Variants in ADHFE1 observed in about 807,000 individuals in gnomAD.
The protein encoded by ADHFE1 is hydroxyacid-oxoacid transhydrogenase, mitochondrial.
In ADHFE1, 37 loss-of-function variants were observed where a neutral mutation model predicts 54.8. The observed-to-expected ratio is 0.68, with a 90% CI of 0.52 to 0.89. The LOEUF (loss-of-function observed/expected upper bound fraction) is 0.89, where lower values mean the gene tolerates loss of function less well. ADHFE1 is among the 40% of genes least tolerant of loss of function. ADHFE1 has a pLI of 0.00. For missense variants in ADHFE1, 601 were observed against 591.2 expected (o/e 1.02, Z -0.17); for synonymous variants, 203 against 229.3 (o/e 0.89, Z 1.04).
At chr8:66,464,869 G>A (rs377045770) in intron 13 of ADHFE1, among the ~76,000 whole-genome samples, 17 of 151,852 alleles carry the variant, frequency 1.1e-4, no homozygotes, top group Admixed American at 4.6e-4. Context: ...CGAATTCCCC[G>A]TTCTCCCCTT....
At position 66,457,203 on chromosome 8, in the gene ADHFE1, G is replaced by C. The variant is rs761535877; in HGVS notation, c.1162+37G>C. 3.2e-6 allele frequency: 5 copies of C among 1,585,154 alleles called. No homozygotes were observed. In the South Asian group the frequency reaches 5.6e-5, roughly 18 times the overall value. ...TACTCAAAATTCTGTGACCGGCCAG[G>C]CACGGTGGCTCCCATCTGTAATCCC... is the stretch of plus-strand genomic sequence containing the variant. On this transcript the variant is annotated intron_variant, in intron 12 of 13. Transcript: ENST00000396623.
At chr8:66,440,771 G>A (rs1001172769) in intron 2 of ADHFE1, among the ~76,000 whole-genome samples, 3 of 152,222 alleles carry the variant, frequency 2.0e-5, no homozygotes, top group African/African-American at 7.2e-5. Flanking sequence ...CATAGTTTCA[G>A]CATGTCCTAA....
chr8:66,439,319 C>A lies in ADHFE1; in HGVS notation c.60-843C>A. On this transcript the variant is annotated intron_variant, in intron 1 of 13. Transcript: ENST00000396623. This position sits in a 1 kb window ranked among gnomAD's most constrained non-coding sequence, Gnocchi z 4.4. ...CCACTGGACAAGGTCTTCTGGGCAA[C>A]CCAACGAAACATAAAACCGTCTTCC... The A allele has an allele frequency of 2.0e-6, 2 of 985,478 alleles. No individual in the cohort carries two copies. The highest frequency in any genetic ancestry group is 2.4e-6 in the Non-Finnish European group (2 of 830,066). 61.0% of individuals were successfully genotyped at this position (985,478 alleles called of 1,614,324 possible). A position where few individuals can be genotyped will look rare whatever the true frequency, so the allele number is the denominator to read the frequency against.
chr8:66,459,791 A>G (rs1240389215), intron 12 of ADHFE1, among the ~76,000 whole-genome samples: 1 of 152,210 alleles, frequency 6.6e-6, no homozygotes, highest in Non-Finnish European at 1.5e-5. Flanking sequence ...CTGTTCACAC[A>G]TAATCCATTT....
intron 13 of ADHFE1, among the ~76,000 whole-genome samples, chr8:66,461,976 C>T (rs941975102): frequency 1.3e-5 from 2 of 152,170 alleles, no homozygotes; most frequent in African/African-American, 4.8e-5. Context: ...AAAAAAATCA[C>T]ACTCTCTAAC....
In ADHFE1 at chr8:66,459,335, C is replaced by A. The variant is rs558646173; in HGVS notation, c.1163-973C>A. ...CTGGGAACTTTCTCTGTCACCCTGCCTGAGGGCAGAACCTCCCGCGTGGCT... is the reference window on the plus strand; with the variant it reads ...CTGGGAACTTTCTCTGTCACCCTGCATGAGGGCAGAACCTCCCGCGTGGCT... On this transcript the variant is annotated intron_variant, in intron 12 of 13. Coordinates refer to ENST00000396623, the MANE Select transcript of ADHFE1 (RefSeq NM_144650.3). 1.8e-4 allele frequency among the ~76,000 whole-genome samples: 27 copies of A among 151,494 alleles called. 1 individual carries two copies. The East Asian group carries it at 5.2e-3, about 29-fold the overall frequency.
At position 66,457,183 on chromosome 8, in the gene ADHFE1, A is replaced by G. The variant is rs746962638; in HGVS notation, c.1162+17A>G. On this transcript the variant is annotated intron_variant, in intron 12 of 13. Coordinates refer to ENST00000396623, the MANE Select transcript of ADHFE1 (RefSeq NM_144650.3). ...AAATACTGGGTATGAACCATTACTC[A>G]AAATTCTGTGACCGGCCAGGCACGG... 1.9e-6 allele frequency: 3 copies of G among 1,605,974 alleles called. No homozygotes were observed. The highest frequency in any genetic ancestry group is 2.6e-6 in the Non-Finnish European group (3 of 1,174,766).
At position 66,464,454 on chromosome 8, in the gene ADHFE1, C is replaced by T. The variant is rs578158928; in HGVS notation, c.1321-3815C>T. Among the ~76,000 whole-genome samples, 124 of 152,324 alleles carry T rather than the reference C, an allele frequency of 8.1e-4. 1 individual carries two copies. The highest frequency in any genetic ancestry group is 4.1e-3 in the South Asian group (20 of 4,830). On this transcript the variant is annotated intron_variant, in intron 13 of 13. Coordinates refer to ENST00000396623, the MANE Select transcript of ADHFE1 (RefSeq NM_144650.3). Reference sequence around the variant, plus strand: ...TAAGACTCTCTCCCATTATGAACAACGTAACTTGCCATCATCTGCAGTTAC... The same window carrying T: ...TAAGACTCTCTCCCATTATGAACAATGTAACTTGCCATCATCTGCAGTTAC...
chr8:66,444,453 G>A (rs1186660507), intron 4 of ADHFE1, 33 bp downstream of exon 4: 3 of 1,611,706 alleles, frequency 1.9e-6, no homozygotes, highest in East Asian at 2.2e-5. Flanking sequence ...GTCTCCTACT[G>A]TAAATGTTAC....
chr8:66,445,266 T>A lies in ADHFE1; in HGVS notation c.402T>A (p.Tyr134Ter). ...CCCAAAAGGGAGCTTTTGATGCCTA[T>A]GTTGCTGTCGGTGGTGGCTCTACCA... Reference protein sequence around the residue: ...EFAQKGAFDAYVAVGGGSTMD... With the variant: ...EFAQKGAFDA The change falls in exon 6 of 14, where the codon TAT (tyrosine) becomes TAA (stop). Residue 134 changes from tyrosine (Y) to a stop codon, truncating the protein, a stop_gained. Transcript: ENST00000396623. LOFTEE classifies it high-confidence loss of function. The A allele has an allele frequency of 6.2e-7, 1 of 1,613,740 alleles. No homozygotes were observed. Among genetic ancestry groups the A allele is most frequent in the Non-Finnish European group, 8.5e-7 (1 of 1,179,942 alleles).
chr8:66,461,549 A>G (rs541307032), intron 13 of ADHFE1, among the ~76,000 whole-genome samples: 4 of 152,086 alleles, frequency 2.6e-5, no homozygotes, highest in Non-Finnish European at 5.9e-5. Context: ...TCATAGACTC[A>G]TGTGTCCACA....
intron 12 of ADHFE1, among the ~76,000 whole-genome samples, chr8:66,457,436 C>T (rs2130456309): frequency 6.6e-6 from 1 of 151,480 alleles, no homozygotes; most frequent in Middle Eastern, 3.4e-3. Context: ...TGTTATCATG[C>T]CACTGCACTC....
chr8:66,457,480 A>T (rs957124658), intron 12 of ADHFE1, among the ~76,000 whole-genome samples: 5 of 89,758 alleles, frequency 5.6e-5, no homozygotes, highest in African/African-American at 2.5e-4. Context: ...TCTCTCTCTC[A>T]AAAAAAAAAA....
intron 1 of ADHFE1, 82 bp downstream of exon 1, chr8:66,432,657 C>T: frequency 8.1e-7 from 1 of 1,240,744 alleles, no homozygotes. Flanking sequence ...AGATCCTGCG[C>T]AGTCTTCTCC....
At chr8:66,464,724 T>G (rs1807078518) in intron 13 of ADHFE1, among the ~76,000 whole-genome samples, 3 of 152,196 alleles carry the variant, frequency 2.0e-5, no homozygotes, top group Admixed American at 2.0e-4. Context: ...AACATAAAAT[T>G]TACCATTTTA....
In ADHFE1 at chr8:66,442,745, C is replaced by T. The variant is rs1435366884; in HGVS notation, c.98-53C>T. 29 of 1,467,176 alleles carry T rather than the reference C, an allele frequency of 2.0e-5. No homozygotes were observed. In the East Asian group the frequency reaches 6.5e-4, roughly 33 times the overall value. The allele number at this position is 1,467,176 out of a possible 1,614,324, so 90.9% of individuals were successfully genotyped here. A position where few individuals can be genotyped will look rare whatever the true frequency, so the allele number is the denominator to read the frequency against. On this transcript the variant is annotated intron_variant, in intron 2 of 13. Coordinates refer to ENST00000396623, the MANE Select transcript of ADHFE1 (RefSeq NM_144650.3). ...ACTGCTGGATTTTACTATCAAATAA[C>T]ATTTATGCTTTTTTTTAAAGACCCA...
At position 66,439,681 on chromosome 8, in the gene ADHFE1, T is replaced by C. The variant is rs373303805; in HGVS notation, c.60-481T>C. On this transcript the variant is annotated intron_variant, in intron 1 of 13. Transcript: ENST00000396623. The surrounding 1 kb of genome is among the most constrained non-coding windows in gnomAD (Gnocchi z 4.4). Reference sequence around the variant, plus strand: ...GGAAGTTCTCCTGGAGGCTCAGGTCTAGAGCCTGCCTGAAGAAAAATTAGA... The same window carrying C: ...GGAAGTTCTCCTGGAGGCTCAGGTCCAGAGCCTGCCTGAAGAAAAATTAGA... 5.5e-5 allele frequency: 54 copies of C among 987,846 alleles called. No homozygotes were observed. In the South Asian group the frequency reaches 9.3e-4, roughly 17 times the overall value. The allele number at this position is 987,846 out of a possible 1,614,324, so 61.2% of individuals were successfully genotyped here.
chr8:66,438,676 C>T (rs1355919660), intron 1 of ADHFE1, among the ~76,000 whole-genome samples: 1 of 151,864 alleles, frequency 6.6e-6, no homozygotes, highest in Admixed American at 6.6e-5. Context: ...GAGAGTGAGC[C>T]CGCCAGAGGG....
At chr8:66,435,855 CATCT>C (rs1484983721) in intron 1 of ADHFE1, among the ~76,000 whole-genome samples, 7 of 151,526 alleles carry the variant, frequency 4.6e-5, no homozygotes. Flanking sequence ...GCAGTCTTCC[CATCT>C]TGGCCTCCCA....
Sources: allele counts gnomAD v4.1 joint callset (sites outside exome capture counted in the v4.1 genomes callset), GRCh38; gene constraint gnomAD v4.1.1; non-coding constraint Gnocchi (gnomAD v3.1); transcripts MANE v1.5; gene names NCBI Gene and HGNC (gene_info 2026-07-23, HGNC 2026-07-21).